The following CHST11 variants were observed in gnomAD, a reference collection of about 807,000 sequenced individuals.
CHST11 encodes the protein C4S-1.
In CHST11, 9 loss-of-function variants were observed where a neutral mutation model predicts 30.4. That is an observed-to-expected ratio of 0.30 (90% CI 0.18 to 0.52). The LOEUF (loss-of-function observed/expected upper bound fraction) is 0.52. CHST11 is among the 20% of genes least tolerant of loss of function. The pLI is 0.97. For missense variants in CHST11, 348 were observed against 460.6 expected, an observed-to-expected ratio of 0.76 and a Z score of 2.24; for synonymous variants, 152 against 187.8, an observed-to-expected ratio of 0.81 and a Z score of 1.56.
At chr12:104,665,812 C>CTTTTTTTT (rs59199522) in intron 2 of CHST11, among the ~76,000 whole-genome samples, 5 of 78,842 alleles carry the variant, frequency 6.3e-5, no homozygotes, top group Admixed American at 1.7e-4. Context: ...CTCTCTGTCT[C>CTTTTTTTT]TTTTTTTTTT....
chr12:104,560,831 T>C (rs973276201), intron 1 of CHST11, among the ~76,000 whole-genome samples: 2 of 152,212 alleles, frequency 1.3e-5, no homozygotes, highest in Non-Finnish European at 2.9e-5. Flanking sequence ...ATTTCACGCA[T>C]TCTGGGTCTC....
At chr12:104,481,129 G>T (rs2037618302) in intron 1 of CHST11, among the ~76,000 whole-genome samples, 1 of 152,182 alleles carries the variant, frequency 6.6e-6, no homozygotes, top group African/African-American at 2.4e-5. Context: ...ACACTGCAAA[G>T]GTACAGCCTT....
intron 2 of CHST11, among the ~76,000 whole-genome samples, chr12:104,636,360 T>C (rs937727363): frequency 1.3e-5 from 2 of 152,248 alleles, no homozygotes; most frequent in African/African-American, 4.8e-5. Flanking sequence ...GAGAGAAGGC[T>C]GAACCAAAGA....
intron 2 of CHST11, among the ~76,000 whole-genome samples, chr12:104,731,483 G>A (rs991414174): frequency 6.6e-6 from 1 of 152,102 alleles, no homozygotes; most frequent in African/African-American, 2.4e-5. Flanking sequence ...GTTTTATTTT[G>A]GGGGGATCAG....
intron 1 of CHST11, among the ~76,000 whole-genome samples, chr12:104,564,953 C>T (rs1283184818): frequency 6.6e-6 from 1 of 152,136 alleles, no homozygotes; most frequent in Non-Finnish European, 1.5e-5. Flanking sequence ...ATGAGAACAG[C>T]ACAGGAAAAA....
chr12:104,670,490 C>T (rs10861267), intron 2 of CHST11, among the ~76,000 whole-genome samples: 72,535 of 150,082 alleles, frequency 0.48, 18,234 homozygotes, highest in East Asian at 0.64. Context: ...CACACACTCA[C>T]ACTCATACAC....
chr12:104,735,975 T>A (rs192323559), intron 2 of CHST11, among the ~76,000 whole-genome samples: 56 of 152,156 alleles, frequency 3.7e-4, no homozygotes, highest in Middle Eastern at 6.8e-3. Flanking sequence ...GTTGCCAGGA[T>A]GCGGGGTTGT....
rs545954716 is a variant in CHST11 at position 104,583,752 on chromosome 12, G to A, written c.119-18154G>A. The stretch of plus-strand genomic sequence containing the variant: ...TTTGAGGATGGAGTCTCACTCTGTC[G>A]CCCAGGCTGGAGTGTAGTGGCGAGA... On this transcript the variant is annotated intron_variant, in intron 1 of 2. Coordinates refer to ENST00000303694, the MANE Select transcript of CHST11 (RefSeq NM_018413.6). Among the ~76,000 whole-genome samples, 66 of 148,962 alleles carry A rather than the reference G, an allele frequency of 4.4e-4. No homozygotes were observed. The South Asian group carries it at 0.012, about 28-fold the overall frequency.
intron 1 of CHST11, among the ~76,000 whole-genome samples, chr12:104,572,027 C>T (rs2038631360): frequency 6.6e-6 from 1 of 152,194 alleles, no homozygotes; most frequent in Non-Finnish European, 1.5e-5. Flanking sequence ...TATTGATTTG[C>T]ATATGTTGAA....
intron 2 of CHST11, among the ~76,000 whole-genome samples, chr12:104,609,738 ACAGTGGCAAGGTCAGAGTTGGTGTTAAT>A (rs2039040182): frequency 6.6e-6 from 1 of 152,174 alleles, no homozygotes; most frequent in African/African-American, 2.4e-5. Flanking sequence ...AGCACCTAGG[ACAGTGGCAAGGTCAGAGTTGGTGTTAAT>A]CAGTAGCCAT....
chr12:104,472,099 G>A (rs1028683224), intron 1 of CHST11, among the ~76,000 whole-genome samples: 11 of 150,402 alleles, frequency 7.3e-5, no homozygotes, highest in African/African-American at 2.7e-4. Context: ...TGGGACTACA[G>A]GTGTGCACCA....
chr12:104,635,507 G>A (rs892166219), intron 2 of CHST11, among the ~76,000 whole-genome samples: 2 of 152,156 alleles, frequency 1.3e-5, no homozygotes, highest in African/African-American at 4.8e-5. Flanking sequence ...CCAAACAGCC[G>A]CAAGAGCACC....
intron 1 of CHST11, among the ~76,000 whole-genome samples, chr12:104,570,735 G>A (rs545094755): frequency 1.4e-5 from 2 of 146,702 alleles, no homozygotes; most frequent in East Asian, 2.0e-4. Flanking sequence ...CTGTCACCCA[G>A]GCTAGAGTGC....
At chr12:104,665,168 G>A (rs1029980024) in intron 2 of CHST11, among the ~76,000 whole-genome samples, 6 of 152,162 alleles carry the variant, frequency 3.9e-5, no homozygotes, top group Non-Finnish European at 8.8e-5. Flanking sequence ...ATTTGGGATC[G>A]AAAGGCCTGA....
At position 104,468,326 on chromosome 12, in the gene CHST11, G is replaced by C. The variant is rs527933440; in HGVS notation, c.118+10797G>C. ...CGAAGGCCAACTTGGGTCAGGCATT[G>C]AATATAGATTACTCCCCCATGGGAC... On this transcript the variant is annotated intron_variant, in intron 1 of 2. Transcript: ENST00000303694. 1.6e-3 allele frequency among the ~76,000 whole-genome samples: 242 copies of C among 152,246 alleles called. 1 individual carries two copies. The highest frequency in any genetic ancestry group is 5.7e-3 in the African/African-American group (236 of 41,526).
At chr12:104,672,547 GCTGGC>G in intron 2 of CHST11, among the ~76,000 whole-genome samples, 1 of 152,250 alleles carries the variant, frequency 6.6e-6, no homozygotes, top group Non-Finnish European at 1.5e-5. Context: ...AGAGCTGGAA[GCTGGC>G]CTGGCCCTGG....
intron 1 of CHST11, among the ~76,000 whole-genome samples, chr12:104,545,189 T>G (rs1033603387): frequency 7.2e-5 from 11 of 152,222 alleles, no homozygotes; most frequent in African/African-American, 2.7e-4. Context: ...ATTCATTGCC[T>G]TCTTAAATTC....
intron 1 of CHST11, among the ~76,000 whole-genome samples, chr12:104,571,644 C>T (rs2038626957): frequency 6.6e-6 from 1 of 152,196 alleles, no homozygotes. Flanking sequence ...TGAAGTTTGT[C>T]TGACTCCAGA....
chr12:104,660,303 G>C (rs893602190), intron 2 of CHST11, among the ~76,000 whole-genome samples: 1 of 152,212 alleles, frequency 6.6e-6, no homozygotes, highest in Non-Finnish European at 1.5e-5. Context: ...AAAGCTCAGG[G>C]AAAGGGCTAC....
Sources: allele counts gnomAD v4.1 joint callset (sites outside exome capture counted in the v4.1 genomes callset), GRCh38; gene constraint gnomAD v4.1.1; transcripts MANE v1.5; gene names NCBI Gene and HGNC (gene_info 2026-07-23, HGNC 2026-07-21).